Variants in TRERF1 observed in about 807,000 individuals in gnomAD.
TRERF1 encodes the protein transcriptional regulating factor 1.
In TRERF1, 27 loss-of-function variants were observed where a neutral mutation model predicts 122.9. The observed-to-expected ratio is 0.22, with a 90% CI of 0.16 to 0.30. The LOEUF (loss-of-function observed/expected upper bound fraction) is 0.30. Ranked by LOEUF, TRERF1 falls within the 10% of genes least tolerant of loss-of-function variation. TRERF1 has a pLI of 1.00. For missense variants in TRERF1, 1,248 were observed against 1,560.3 expected, an observed-to-expected ratio of 0.80 and a Z score of 3.37; for synonymous variants, 636 against 641.7, an observed-to-expected ratio of 0.99 and a Z score of 0.13.
At chr6:42,249,890 T>C (rs1775458323) in intron 13 of TRERF1, among the ~76,000 whole-genome samples, 1 of 152,212 alleles carries the variant, frequency 6.6e-6, no homozygotes, top group African/African-American at 2.4e-5. Context: ...TAGAGGTGGC[T>C]TCCTGATCAC....
At chr6:42,419,775 G>C (rs1782493981) in intron 2 of TRERF1, among the ~76,000 whole-genome samples, 1 of 152,174 alleles carries the variant, frequency 6.6e-6, no homozygotes, top group African/African-American at 2.4e-5. Flanking sequence ...CAAGGCTGAG[G>C]ATGTACCCTG....
At chr6:42,293,380 G>T (rs1784600502) in intron 4 of TRERF1, among the ~76,000 whole-genome samples, 1 of 152,160 alleles carries the variant, frequency 6.6e-6, no homozygotes, top group Non-Finnish European at 1.5e-5. Flanking sequence ...AACCAAAGGC[G>T]CCCGGTCCCA....
rs758458125 is a variant in TRERF1, at chr6:42,269,595, T to C, written c.-5A>G. 6.2e-7 allele frequency: 1 copy of C among 1,610,980 alleles called. No homozygotes were observed. Among genetic ancestry groups the C allele is most frequent in the South Asian group, 1.1e-5 (1 of 90,924 alleles). ...GTACAGTTGCTGGTCACCCATGCTG[T>C]CTGCCTTGGTTGTGAACGTCCAGCC... On this transcript the variant is annotated 5_prime_UTR_variant, in exon 5 of 18. Coordinates refer to ENST00000372922, the Ensembl canonical transcript of TRERF1. The surrounding 1 kb of genome is among the most constrained non-coding windows in gnomAD (Gnocchi z 4.9).
intron 4 of TRERF1, among the ~76,000 whole-genome samples, chr6:42,299,888 T>G (rs540600313): frequency 1.1e-4 from 16 of 152,326 alleles, no homozygotes; most frequent in African/African-American, 3.6e-4. Flanking sequence ...GAAGAACGAA[T>G]GGTGAATGAA....
chr6:42,354,226 G>C (rs996890031), intron 3 of TRERF1, among the ~76,000 whole-genome samples: 1 of 152,136 alleles, frequency 6.6e-6, no homozygotes, highest in Non-Finnish European at 1.5e-5. Flanking sequence ...TATTACTGCT[G>C]AATTTGTACA....
At chr6:42,257,139 T>G (rs1045962182) in intron 10 of TRERF1, 37 bp from the exon 11 acceptor site, 12 of 1,610,914 alleles carry the variant, frequency 7.4e-6, no homozygotes, top group Middle Eastern at 1.6e-4. Flanking sequence ...AATGTGGTCT[T>G]CAATTTGATG....
chr6:42,359,766 G>A (rs1218309951), intron 3 of TRERF1, among the ~76,000 whole-genome samples: 2 of 152,090 alleles, frequency 1.3e-5, no homozygotes, highest in Non-Finnish European at 2.9e-5. Flanking sequence ...CCAAAAATCA[G>A]CTGGGATAGG....
Position 42,420,695 on chromosome 6 carries a change from C to T in TRERF1, c.-454+30482G>A, listed in dbSNP as rs544145597. On this transcript the variant is annotated intron_variant, in intron 2 of 17. Coordinates refer to ENST00000372922, the Ensembl canonical transcript of TRERF1. ...AAGAAAATCTCACCTATAAACAAAC[C>T]TAAATATGTTTAATTAAATCATATT... Among the ~76,000 whole-genome samples, 15 of 152,176 alleles carry T rather than the reference C, an allele frequency of 9.9e-5. No homozygotes were observed. The South Asian group carries it at 2.9e-3, about 30-fold the overall frequency.
chr6:42,390,869 A>G (rs1173326889), intron 2 of TRERF1, among the ~76,000 whole-genome samples: 1 of 152,182 alleles, frequency 6.6e-6, no homozygotes, highest in African/African-American at 2.4e-5. Flanking sequence ...CCACAGACCA[A>G]GAAATACACG....
At position 42,276,577 on chromosome 6, in the gene TRERF1, C is replaced by T. The variant is rs1036673730; in HGVS notation, c.-258-6729G>A. Among the ~76,000 whole-genome samples the T allele has an allele frequency of 1.3e-5, 2 of 152,204 alleles. No individual in the cohort carries two copies. The highest frequency in any genetic ancestry group is 4.8e-5 in the African/African-American group (2 of 41,452). On this transcript the variant is annotated intron_variant, in intron 4 of 17. Coordinates refer to ENST00000372922, the Ensembl canonical transcript of TRERF1. This position sits in a 1 kb window ranked among gnomAD's most constrained non-coding sequence, Gnocchi z 4.3. ...TCTCCAGGATGTGGGCCGCAGTTCG[C>T]CGTCTTCTTTTTAGCACCGTTGTTG...
intron 2 of TRERF1, among the ~76,000 whole-genome samples, chr6:42,385,550 C>T (rs1776650613): frequency 6.6e-6 from 1 of 152,190 alleles, no homozygotes; most frequent in Admixed American, 6.5e-5. Flanking sequence ...CAAGTACTAT[C>T]AGCTGAGACT....
intron 2 of TRERF1, among the ~76,000 whole-genome samples, chr6:42,399,565 C>T (rs1187597763): frequency 6.6e-6 from 1 of 152,184 alleles, no homozygotes; most frequent in Non-Finnish European, 1.5e-5. Context: ...GGGTCCCTGG[C>T]CAATGCAGTC....
At position 42,232,132 on chromosome 6, in the gene TRERF1, C is replaced by T. The variant is rs956903510; in HGVS notation, c.3278+549G>A. Among the ~76,000 whole-genome samples the T allele has an allele frequency of 2.0e-5, 3 of 152,112 alleles. No homozygotes were observed. The highest frequency in any genetic ancestry group is 7.2e-5 in the African/African-American group (3 of 41,418). On this transcript the variant is annotated intron_variant, in intron 17 of 17. Coordinates refer to ENST00000372922, the Ensembl canonical transcript of TRERF1. The surrounding 1 kb of genome is among the most constrained non-coding windows in gnomAD (Gnocchi z 4.5). ...ATAGGTTTTATTTCATGTGTCAACTCTGATTAATTGGTTGTGCAGCTTGAA... is the reference window on the plus strand; with the variant it reads ...ATAGGTTTTATTTCATGTGTCAACTTTGATTAATTGGTTGTGCAGCTTGAA...
In TRERF1 at chr6:42,336,995, G is replaced by A. The variant is rs182295550; in HGVS notation, c.-371+26002C>T. ...GAGAGCAGCTCATGATAGGAGCTGCGGGGGGCAGGGGGTGCGTGCAGAAGA... is the reference window on the plus strand; with the variant it reads ...GAGAGCAGCTCATGATAGGAGCTGCAGGGGGCAGGGGGTGCGTGCAGAAGA... On this transcript the variant is annotated intron_variant, in intron 3 of 17. Coordinates refer to ENST00000372922, the Ensembl canonical transcript of TRERF1. Among the ~76,000 whole-genome samples, 40 of 152,308 alleles carry A rather than the reference G, an allele frequency of 2.6e-4. 1 individual carries two copies. In the East Asian group the frequency reaches 5.6e-3, roughly 21 times the overall value.
chr6:42,278,878 G>C (rs1201246823), intron 4 of TRERF1, among the ~76,000 whole-genome samples: 3 of 152,096 alleles, frequency 2.0e-5, no homozygotes, highest in Non-Finnish European at 4.4e-5. Context: ...AGGGCCCCTG[G>C]CCTCATGAGG....
chr6:42,418,179 C>T (rs1420926016), intron 2 of TRERF1, among the ~76,000 whole-genome samples: 1 of 124,740 alleles, frequency 8.0e-6, no homozygotes, highest in Non-Finnish European at 1.7e-5. Flanking sequence ...TTGGTTCATT[C>T]GTTCTTTCTC....
chr6:42,277,979 G>A (rs1217255883), intron 4 of TRERF1, among the ~76,000 whole-genome samples: 2 of 131,634 alleles, frequency 1.5e-5, no homozygotes, highest in African/African-American at 5.4e-5. Context: ...GAAGAAGACT[G>A]CAATAGAAGA....
rs1011127913 is a variant in TRERF1 at position 42,393,121 on chromosome 6, A to T, written c.-453-30042T>A. Reference sequence around the variant, plus strand: ...CATCACCGATCTAGGTCCTATTGTCAATAATCTCTCAAACAGGTCAAGGGC... The same window carrying T: ...CATCACCGATCTAGGTCCTATTGTCTATAATCTCTCAAACAGGTCAAGGGC... On this transcript the variant is annotated intron_variant, in intron 2 of 17. Transcript: ENST00000372922. This position sits in a 1 kb window ranked among gnomAD's most constrained non-coding sequence, Gnocchi z 4.1. 1.3e-5 allele frequency among the ~76,000 whole-genome samples: 2 copies of T among 152,188 alleles called. No individual in the cohort carries two copies. The highest frequency in any genetic ancestry group is 4.8e-5 in the African/African-American group (2 of 41,442).
At chr6:42,416,555 T>C (rs182042530) in intron 2 of TRERF1, among the ~76,000 whole-genome samples, 75 of 152,314 alleles carry the variant, frequency 4.9e-4, no homozygotes, top group Middle Eastern at 3.4e-3. Context: ...CCCGTGACCA[T>C]GGAGTTCTTT....
Sources: allele counts gnomAD v4.1 joint callset (sites outside exome capture counted in the v4.1 genomes callset), GRCh38; gene constraint gnomAD v4.1.1; non-coding constraint Gnocchi (gnomAD v3.1); transcripts MANE v1.5; gene names NCBI Gene and HGNC (gene_info 2026-07-23, HGNC 2026-07-21).